STIL: variants seen among roughly 807,000 people sequenced by gnomAD.
STIL encodes the protein SCL-interrupting locus protein.
Under a neutral mutation model 110.1 loss-of-function variants are expected in STIL, and 55 were observed. The ratio of observed to expected loss-of-function variants is 0.50; its 90% confidence interval spans 0.40 to 0.63. The LOEUF is 0.63. Ranked by LOEUF, STIL falls within the 20% of genes least tolerant of loss-of-function variation. The pLI is 0.00. For missense variants in STIL, 1,358 were observed against 1,530.0 expected, an observed-to-expected ratio of 0.89 and a Z score of 1.87; for synonymous variants, 481 against 530.0, an observed-to-expected ratio of 0.91 and a Z score of 1.27.
chr1:47,257,826 GTCTT>G (rs1430287784), intron 16 of STIL, among the ~76,000 whole-genome samples: 1 of 152,180 alleles, frequency 6.6e-6, no homozygotes, highest in Non-Finnish European at 1.5e-5. Flanking sequence ...GAACAAAGAT[GTCTT>G]TCTTTATCAG....
rs138649605 is a variant in STIL at position 47,288,892 on chromosome 1, C to CAA, written c.1023+541_1023+542dup. Among the ~76,000 whole-genome samples, 484 of 94,752 alleles carry CAA rather than the reference C, an allele frequency of 5.1e-3. 4 individuals are homozygous for CAA. The highest frequency in any genetic ancestry group is 0.023 in the East Asian group (77 of 3,398). 62.2% of individuals were successfully genotyped at this position (94,752 alleles called of 152,430 possible). On this transcript the variant is annotated intron_variant, in intron 9 of 16. Coordinates refer to ENST00000371877, the MANE Select transcript of STIL (RefSeq NM_001048166.1). ...TGAAACTCCCTCTCTAATGAAAATA[C>CAA]AAAAAAAAAAAAAAAAAAAAATAGC...
At chr1:47,271,356 G>A (rs1473858229) in intron 13 of STIL, among the ~76,000 whole-genome samples, 2 of 151,648 alleles carry the variant, frequency 1.3e-5, no homozygotes, top group Non-Finnish European at 2.9e-5. Flanking sequence ...GGTGGATCAT[G>A]CGGTCAGGAG....
At chr1:47,280,120 A>G in intron 12 of STIL, 121 bp downstream of exon 12, 1 of 1,348,320 alleles carries the variant, frequency 7.4e-7, no homozygotes, top group Non-Finnish European at 1.0e-6. Flanking sequence ...TCAGTTTCCA[A>G]GGTCCCTCCT....
Position 47,289,422 on chromosome 1 carries a change from T to C in STIL, c.1023+13A>G, listed in dbSNP as rs1340312661. On this transcript the variant is annotated intron_variant, in intron 9 of 16. Transcript: ENST00000371877. ...AAACAGTCACTAATGTACTAGACAA[T>C]GAAATCACTTACTTTGAAAAGATGT... 6.2e-7 allele frequency: 1 copy of C among 1,613,038 alleles called. No homozygotes were observed. Among genetic ancestry groups the C allele is most frequent in the Admixed American group, 1.7e-5 (1 of 59,996 alleles).
intron 14 of STIL, among the ~76,000 whole-genome samples, chr1:47,265,260 A>AAAAAAAAAAAAAAAAAAAAAAAAAAAAAC (rs1553170532): frequency 6.7e-6 from 1 of 148,424 alleles, no homozygotes; most frequent in Non-Finnish European, 1.5e-5. Flanking sequence ...AAAAAAAAAA[A>AAAAAAAAAAAAAAAAAAAAAAAAAAAAAC]CACAAGATTG....
intron 2 of STIL, among the ~76,000 whole-genome samples, chr1:47,305,970 A>T (rs1645949501): frequency 6.6e-6 from 1 of 151,274 alleles, no homozygotes; most frequent in Admixed American, 6.6e-5. Context: ...TGACGTCATG[A>T]TCTACCCGCC....
At chr1:47,271,955 T>A in intron 13 of STIL, 121 bp downstream of exon 13, 1 of 996,210 alleles carries the variant, frequency 1.0e-6, no homozygotes, top group Non-Finnish European at 1.5e-6. Flanking sequence ...TAAGTCATAC[T>A]CTCATCACCT....
chr1:47,262,175 A>G (rs1297150602), intron 15 of STIL, among the ~76,000 whole-genome samples: 1 of 152,180 alleles, frequency 6.6e-6, no homozygotes, highest in African/African-American at 2.4e-5. Context: ...GCAAGCAAAT[A>G]ACAAATATGT....
chr1:47,305,060 G>T, intron 2 of STIL, 64 bp from the exon 3 acceptor site: 3 of 1,111,904 alleles, frequency 2.7e-6, no homozygotes, highest in Non-Finnish European at 4.1e-6. Context: ...CATTTGGTAG[G>T]AAACAACTAA....
At chr1:47,279,567 A>G (rs1044090004) in intron 12 of STIL, among the ~76,000 whole-genome samples, 2 of 152,008 alleles carry the variant, frequency 1.3e-5, no homozygotes, top group African/African-American at 2.4e-5. Flanking sequence ...CGTCTCTACT[A>G]AAAATACAAA....
rs768300785 is a variant in STIL at position 47,251,122 on chromosome 1, A to C, written c.*14T>G. 1 of 1,612,126 alleles carries C rather than the reference A, an allele frequency of 6.2e-7. No homozygotes were observed. Among genetic ancestry groups the C allele is most frequent in the Admixed American group, 1.7e-5 (1 of 59,900 alleles). On this transcript the variant is annotated 3_prime_UTR_variant, in exon 17 of 17. Transcript: ENST00000371877. ...CACCCTGTCCCTGTATTAAAAGGGCAGGGAGTTAAAAGGTTAAAATAATTT... is the reference window on the plus strand; with the variant it reads ...CACCCTGTCCCTGTATTAAAAGGGCCGGGAGTTAAAAGGTTAAAATAATTT...
rs527920697 is a variant in STIL at position 47,271,882 on chromosome 1, T to C, written c.2383+194A>G. On this transcript the variant is annotated intron_variant, in intron 13 of 16. Transcript: ENST00000371877. ...AGAAAAGTAGCAAAATCAAACACTT[T>C]ATCATGTTATGCAGTTTGCAGGTGT... Among the ~76,000 whole-genome samples, 11 of 152,142 alleles carry C rather than the reference T, an allele frequency of 7.2e-5. No homozygotes were observed. In the South Asian group the frequency reaches 1.2e-3, roughly 17 times the overall value.
intron 10 of STIL, 38 bp downstream of exon 10, chr1:47,287,513 T>TA (rs774116338): frequency 3.0e-6 from 4 of 1,351,388 alleles, no homozygotes; most frequent in East Asian, 2.4e-5. Flanking sequence ...ATATAATTTT[T>TA]AAAAAAACAC....
At chr1:47,299,320 C>A (rs1301829636) in intron 6 of STIL, among the ~76,000 whole-genome samples, 1 of 151,540 alleles carries the variant, frequency 6.6e-6, no homozygotes, top group Non-Finnish European at 1.5e-5. Flanking sequence ...GCACTCCAGT[C>A]TGGGTGACAG....
intron 7 of STIL, among the ~76,000 whole-genome samples, chr1:47,294,393 A>G (rs1332739825): frequency 6.6e-6 from 1 of 152,272 alleles, no homozygotes; most frequent in Non-Finnish European, 1.5e-5. Flanking sequence ...ATAACACTGT[A>G]TATAATAAGT....
intron 6 of STIL, among the ~76,000 whole-genome samples, chr1:47,297,298 T>C (rs182433947): frequency 1.7e-3 from 251 of 151,214 alleles, no homozygotes; most frequent in African/African-American, 5.7e-3. Flanking sequence ...TGAGCTGAGA[T>C]CGTGCCACTG....
At chr1:47,301,424 A>T in intron 5 of STIL, 137 bp downstream of exon 5, 1 of 963,390 alleles carries the variant, frequency 1.0e-6, no homozygotes. Flanking sequence ...AAACACATTT[A>T]GTTGGATTTT....
intron 3 of STIL, among the ~76,000 whole-genome samples, chr1:47,304,325 T>C (rs141090088): frequency 3.3e-4 from 50 of 152,104 alleles, no homozygotes; most frequent in African/African-American, 1.2e-3. Context: ...AGCCCAGTTA[T>C]AGCACCTTAA....
chr1:47,301,782 T>C lies in STIL; in HGVS notation c.266-34A>G, dbSNP rs548621824. The C allele has an allele frequency of 2.5e-6, 4 of 1,598,682 alleles. No homozygotes were observed. The East Asian group carries it at 8.9e-5, about 36-fold the overall frequency. On this transcript the variant is annotated intron_variant, in intron 4 of 16. Coordinates refer to ENST00000371877, the MANE Select transcript of STIL (RefSeq NM_001048166.1). ...CAAAAATAACAGCTATTATACAGCA[T>C]ACTAATTAAAAACATAAAATCAACC... is the stretch of plus-strand genomic sequence containing the variant.
Sources: allele counts gnomAD v4.1 joint callset (sites outside exome capture counted in the v4.1 genomes callset), GRCh38; gene constraint gnomAD v4.1.1; transcripts MANE v1.5; gene names NCBI Gene and HGNC (gene_info 2026-07-23, HGNC 2026-07-21).